BBOF1: variants seen among roughly 807,000 people sequenced by gnomAD.
BBOF1 encodes the protein basal body orientation factor 1, also known as basal body-orientation factor 1.
Under a neutral mutation model 68.0 loss-of-function variants are expected in BBOF1, and 62 were observed. The ratio of observed to expected loss-of-function variants is 0.91; its 90% confidence interval spans 0.74 to 1.13. The LOEUF is 1.13. BBOF1 is among the 50% of genes most tolerant of loss of function. BBOF1 has a pLI of 0.00. For synonymous variants in BBOF1, 208 were observed against 198.8 expected, an observed-to-expected ratio of 1.05 and a Z score of -0.39; for missense variants, 534 against 600.1, an observed-to-expected ratio of 0.89 and a Z score of 1.15.
chr14:74,059,655 ATTGCAC>A (rs1401210266), intron 11 of BBOF1: 1 of 194,268 alleles, frequency 5.1e-6, no homozygotes, highest in Non-Finnish European at 1.1e-5. Context: ...AGATCACGCC[ATTGCAC>A]TCCAGCCTGG....
intron 3 of BBOF1, 128 bp downstream of exon 3, chr14:74,029,377 A>AT: frequency 1.7e-6 from 1 of 580,874 alleles, no homozygotes; most frequent in Non-Finnish European, 3.1e-6. Flanking sequence ...TTAAAGCTTG[A>AT]TTGTATAGAA....
intron 2 of BBOF1, among the ~76,000 whole-genome samples, chr14:74,026,439 C>A (rs2140960208): frequency 2.6e-5 from 2 of 77,926 alleles, no homozygotes. Context: ...AGTGAAACTC[C>A]ATCTCAAAAA....
chr14:74,070,537 A>G (rs1450238005), downstream of BBOF1, among the ~76,000 whole-genome samples: 1 of 152,064 alleles, frequency 6.6e-6, no homozygotes, highest in African/African-American at 2.4e-5. Context: ...GAATAACAAT[A>G]TTTCCTCAAT....
chr14:74,044,483 T>TC (rs2059904270), intron 5 of BBOF1, among the ~76,000 whole-genome samples: 1 of 149,842 alleles, frequency 6.7e-6, no homozygotes, highest in South Asian at 2.1e-4. Flanking sequence ...CTCTTTTTTT[T>TC]TTTTTTTTAA....
At chr14:74,077,805 A>G (rs552410656) in intron 9 of BBOF1, among the ~76,000 whole-genome samples, 2 of 152,362 alleles carry the variant, frequency 1.3e-5, no homozygotes, top group South Asian at 4.1e-4. Flanking sequence ...TCTGTTACCC[A>G]TAAAGACTGT....
At chr14:74,056,034 A>AAT (rs1566818071) in intron 9 of BBOF1, among the ~76,000 whole-genome samples, 1 of 144,236 alleles carries the variant, frequency 6.9e-6, no homozygotes, top group African/African-American at 2.5e-5. Context: ...AAAGATAAGT[A>AAT]TTTTTTTTTT....
intron 11 of BBOF1, among the ~76,000 whole-genome samples, chr14:74,062,808 GA>G (rs71460951): frequency 0.11 from 16,958 of 150,228 alleles, 1,243 homozygotes; most frequent in Admixed American, 0.19. Context: ...AGCTGGCACA[GA>G]AAAAAAAAAT....
intron 11 of BBOF1, chr14:74,057,978 A>G: frequency 1.2e-6 from 1 of 840,022 alleles, no homozygotes. Flanking sequence ...CACTTGGAAT[A>G]TAGACAATAA....
chr14:74,060,767 G>C, intron 11 of BBOF1: 1 of 1,528,230 alleles, frequency 6.5e-7, no homozygotes, highest in Non-Finnish European at 9.1e-7. Context: ...CAGAAAAAAA[G>C]TTAGCATATA....
chr14:74,066,235 A>G, downstream of BBOF1: 1 of 205,062 alleles, frequency 4.9e-6, no homozygotes, highest in Non-Finnish European at 1.0e-5. Context: ...TTGGCAAACT[A>G]TAGCCTGTGG....
chr14:74,025,912 G>T (rs569718204), intron 2 of BBOF1, among the ~76,000 whole-genome samples: 1 of 147,486 alleles, frequency 6.8e-6, no homozygotes, highest in Non-Finnish European at 1.5e-5. Context: ...GGGTGGGGGG[G>T]GTGCATCACA....
At chr14:74,080,950 G>A (rs1424345199) in intron 10 of BBOF1, 1 of 152,238 alleles carries the variant, frequency 6.6e-6, no homozygotes, top group Non-Finnish European at 1.5e-5. Flanking sequence ...TTTCCTCCCT[G>A]TTCTCTATGC....
In BBOF1 at chr14:74,064,828, G is replaced by T; in HGVS notation, c.*129G>T. On this transcript the variant is annotated 3_prime_UTR_variant, in exon 12 of 12. Transcript: ENST00000394009. ...AATTTAACTCAAAAGTTACCTGTTT[G>T]CCATAGAAATTGGTGTCTCCCCTGA... 6.2e-7 allele frequency: 1 copy of T among 1,613,880 alleles called. No homozygotes were observed.
At position 74,065,343 on chromosome 14, in the gene BBOF1, G is replaced by A; in HGVS notation, c.*644G>A. 6.2e-6 allele frequency: 10 copies of A among 1,613,986 alleles called. No individual in the cohort carries two copies. Among genetic ancestry groups the A allele is most frequent in the Non-Finnish European group, 8.5e-6 (10 of 1,180,002 alleles). The stretch of plus-strand genomic sequence containing the variant: ...GAACTGGACCAAAAATCTCCTCTTT[G>A]TAACAGGTCATATTTGGCTGCCAGG... On this transcript the variant is annotated 3_prime_UTR_variant, in exon 12 of 12. Transcript: ENST00000394009.
In BBOF1 at chr14:74,082,393, GTTTTTTTTTT is replaced by G. The variant is rs869211328; in HGVS notation, n.1640-378_1640-369del. On this transcript the variant is annotated intron_variant and non_coding_transcript_variant, in intron 12 of 12. Transcript: ENST00000492026. ...AATATTCATGGCTGCCAAAATCGAG[GTTTTTTTTTT>G]TTTTTTTTTTTTTTTTGATGGAGTC... 4.4e-3 allele frequency among the ~76,000 whole-genome samples: 339 copies of G among 77,616 alleles called. 5 individuals are homozygous for G. The highest frequency in any genetic ancestry group is 0.018 in the African/African-American group (336 of 19,122). The allele number at this position is 77,616 out of a possible 152,430, so 50.9% of individuals were successfully genotyped here.
At chr14:74,039,493 A>G (rs913503114) in intron 4 of BBOF1, among the ~76,000 whole-genome samples, 1 of 152,002 alleles carries the variant, frequency 6.6e-6, no homozygotes, top group Non-Finnish European at 1.5e-5. Context: ...CAATGATGCA[A>G]TCTCGGCTTA....
Position 74,022,462 on chromosome 14 carries a change from G to A in BBOF1, c.57-454G>A, listed in dbSNP as rs184038296. ...ACTTGGGAGGCTGAGGTGGGTGGAT[G>A]GCTTGAGCCCAAGAGGCAGAGGTTC... On this transcript the variant is annotated intron_variant, in intron 1 of 11. Coordinates refer to ENST00000394009, the MANE Select transcript of BBOF1 (RefSeq NM_025057.3). Among the ~76,000 whole-genome samples, 544 of 152,248 alleles carry A rather than the reference G, an allele frequency of 3.6e-3. 4 individuals carry two copies. Among genetic ancestry groups the A allele is most frequent in the African/African-American group, 0.012 (512 of 41,556 alleles).
chr14:74,027,357 G>A (rs1191522836), intron 2 of BBOF1, among the ~76,000 whole-genome samples: 1 of 143,828 alleles, frequency 7.0e-6, no homozygotes, highest in African/African-American at 2.6e-5. Flanking sequence ...AAAGTGTTGG[G>A]ATTACAGCCA....
chr14:74,049,555 A>G, intron 7 of BBOF1, 147 bp from the exon 8 acceptor site: 1 of 673,378 alleles, frequency 1.5e-6, no homozygotes, highest in Non-Finnish European at 2.4e-6. Flanking sequence ...CCAGCTACTC[A>G]GGAGCCTGAG....
Sources: allele counts gnomAD v4.1 joint callset (sites outside exome capture counted in the v4.1 genomes callset), GRCh38; gene constraint gnomAD v4.1.1; transcripts MANE v1.5; gene names NCBI Gene and HGNC (gene_info 2026-07-23, HGNC 2026-07-21).